PIGN: variants seen among roughly 807,000 people sequenced by gnomAD.
The protein encoded by PIGN is phosphatidylinositol glycan anchor biosynthesis class N.
Under a neutral mutation model 125.4 loss-of-function variants are expected in PIGN, and 117 were observed. The ratio of observed to expected loss-of-function variants is 0.93; its 90% confidence interval spans 0.80 to 1.09. The LOEUF is 1.09. Ranked by LOEUF, PIGN falls within the 50% of genes least tolerant of loss-of-function variation. The pLI, the probability that PIGN is intolerant of heterozygous loss-of-function variation, is 0.00. For missense variants in PIGN, 1,075 were observed against 1,094.9 expected, an observed-to-expected ratio of 0.98 and a Z score of 0.26; for synonymous variants, 392 against 377.8, an observed-to-expected ratio of 1.04 and a Z score of -0.44.
intron 30 of PIGN, among the ~76,000 whole-genome samples, chr18:62,058,396 A>AAT (rs1248739452): frequency 4.6e-5 from 7 of 152,238 alleles, no homozygotes; most frequent in African/African-American, 1.4e-4. Flanking sequence ...TGCCTCCTAG[A>AAT]AAACTCCATG....
At chr18:62,107,131 CA>C (rs761771334) in intron 17 of PIGN, 46 bp from the exon 18 acceptor site, 195 of 1,155,738 alleles carry the variant, frequency 1.7e-4, no homozygotes, top group Admixed American at 4.0e-4. Context: ...TTAGGTCATA[CA>C]TAGTATAACA....
chr18:62,100,951 GTTA>G (rs1302551150), intron 22 of PIGN, 121 bp downstream of exon 22: 6 of 671,892 alleles, frequency 8.9e-6, no homozygotes, highest in East Asian at 5.4e-5. Context: ...ATAATAGCCA[GTTA>G]TTATTATTTT....
At chr18:62,055,394 C>A (rs1156382217) in intron 30 of PIGN, among the ~76,000 whole-genome samples, 1 of 152,018 alleles carries the variant, frequency 6.6e-6, no homozygotes, top group Non-Finnish European at 1.5e-5. Context: ...ATGCTAACTC[C>A]AAAAAGTTAC....
rs574809031 is a variant in PIGN at position 62,058,598 on chromosome 18, G to A, written c.2673-12619C>T. 6.6e-5 allele frequency among the ~76,000 whole-genome samples: 10 copies of A among 152,276 alleles called. No homozygotes were observed. The South Asian group carries it at 1.9e-3, about 28-fold the overall frequency. ...ACCATCTTTTAAAGAAACTGTATAT[G>A]TCTGCACATAAATTAAAGCTAAAAG... is the stretch of plus-strand genomic sequence containing the variant. On this transcript the variant is annotated intron_variant, in intron 30 of 30. Coordinates refer to ENST00000640252, the MANE Select transcript of PIGN (RefSeq NM_176787.5).
chr18:62,048,968 T>C (rs1297754688), intron 30 of PIGN, among the ~76,000 whole-genome samples: 2 of 151,734 alleles, frequency 1.3e-5, no homozygotes, highest in African/African-American at 2.4e-5. Flanking sequence ...TTTTTTGTCC[T>C]TGCGATAGTT....
chr18:62,169,652 G>C (rs2037281879), intron 1 of PIGN, among the ~76,000 whole-genome samples: 1 of 151,554 alleles, frequency 6.6e-6, no homozygotes, highest in Non-Finnish European at 1.5e-5. Flanking sequence ...ACAAAGTCTT[G>C]CTCTGTTGCC....
At chr18:62,084,351 T>C (rs9962244) in intron 27 of PIGN, among the ~76,000 whole-genome samples, 180 bp downstream of exon 27, 3 of 152,168 alleles carry the variant, frequency 2.0e-5, no homozygotes, top group Non-Finnish European at 2.9e-5. Context: ...AATGCACTTA[T>C]GAGTAAAGCA....
intron 14 of PIGN, among the ~76,000 whole-genome samples, chr18:62,130,383 T>C (rs551135255): frequency 6.6e-6 from 1 of 152,206 alleles, no homozygotes; most frequent in Admixed American, 6.6e-5. Flanking sequence ...GTTACAGATA[T>C]GGATAAACTA....
Position 62,120,463 on chromosome 18 carries a change from T to C in PIGN, c.1173-5824A>G, listed in dbSNP as rs182167692. Reference sequence around the variant, plus strand: ...ATATCATAGACAAGAAATACAGAAATGTGGAAAGGAATGAAGAGCAAAAGG... The same window carrying C: ...ATATCATAGACAAGAAATACAGAAACGTGGAAAGGAATGAAGAGCAAAAGG... On this transcript the variant is annotated intron_variant, in intron 14 of 30. Coordinates refer to ENST00000640252, the MANE Select transcript of PIGN (RefSeq NM_176787.5). Among the ~76,000 whole-genome samples, 239 of 151,864 alleles carry C rather than the reference T, an allele frequency of 1.6e-3. 1 individual carries two copies. Among genetic ancestry groups the C allele is most frequent in the African/African-American group, 5.4e-3 (223 of 41,402 alleles).
chr18:62,165,060 C>T (rs545670572), intron 1 of PIGN, among the ~76,000 whole-genome samples: 1 of 152,272 alleles, frequency 6.6e-6, no homozygotes, highest in East Asian at 1.9e-4. Flanking sequence ...TTAGGTCACA[C>T]GGTTGGATCC....
intron 14 of PIGN, among the ~76,000 whole-genome samples, chr18:62,120,479 G>A (rs927028759): frequency 5.3e-5 from 8 of 152,100 alleles, no homozygotes; most frequent in Non-Finnish European, 1.2e-4. Context: ...AAGGAATGAA[G>A]AGCAAAAGGC....
chr18:62,105,668 T>A, intron 19 of PIGN, 34 bp from the exon 20 acceptor site: 1 of 1,274,046 alleles, frequency 7.8e-7, no homozygotes, highest in Non-Finnish European at 1.1e-6. Flanking sequence ...TTTAGACAAA[T>A]ATGGTATAGA....
intron 28 of PIGN, among the ~76,000 whole-genome samples, chr18:62,079,102 A>C (rs1258647691): frequency 6.6e-6 from 1 of 152,140 alleles, no homozygotes. Context: ...CTGTTCTCCA[A>C]ATACACCAAG....
intron 29 of PIGN, among the ~76,000 whole-genome samples, chr18:62,074,063 T>C (rs753075325): frequency 4.6e-5 from 7 of 152,234 alleles, no homozygotes; most frequent in Non-Finnish European, 8.8e-5. Flanking sequence ...TGGTTGGCAA[T>C]ACTCCATGTG....
chr18:62,161,168 T>C lies in PIGN; in HGVS notation c.186A>G (p.Leu62=), dbSNP rs777633452. 2 of 1,613,500 alleles carry C rather than the reference T, an allele frequency of 1.2e-6. No homozygotes were observed. Among genetic ancestry groups the C allele is most frequent in the African/African-American group, 2.7e-5 (2 of 74,926 alleles). ...GTGCTCTAGAGTTTCCATTTTCATC[T>C]AATTCGTAAAGTGCATCTGCTCGAA... ...DGLRADALYE[L]DENGNSRAPF... The change falls in exon 4 of 31, where the codon TTA becomes TTG. Residue 62 remains leucine, a synonymous_variant. Transcript: ENST00000640252.
Position 62,144,710 on chromosome 18 carries a change from G to C in PIGN, c.922+1199C>G, listed in dbSNP as rs575321164. Among the ~76,000 whole-genome samples, 6 of 152,282 alleles carry C rather than the reference G, an allele frequency of 3.9e-5. No individual in the cohort carries two copies. The South Asian group carries it at 1.2e-3, about 32-fold the overall frequency. On this transcript the variant is annotated intron_variant, in intron 10 of 30. Coordinates refer to ENST00000640252, the MANE Select transcript of PIGN (RefSeq NM_176787.5). ...TAGGGTATAAATGTATGGTGAATCT[G>C]GATGGAGACTACATGGTATATATAT...
chr18:62,123,607 G>A (rs1260020735), intron 14 of PIGN: 1 of 152,116 alleles, frequency 6.6e-6, no homozygotes, highest in Admixed American at 6.6e-5. Context: ...GTTGTACAAT[G>A]AATATCCAAT....
intron 30 of PIGN, among the ~76,000 whole-genome samples, chr18:62,059,671 A>G (rs2031997245): frequency 1.3e-5 from 2 of 152,238 alleles, no homozygotes; most frequent in South Asian, 4.1e-4. Context: ...GATTGTGAAC[A>G]GGTAGAGGGT....
intron 27 of PIGN, among the ~76,000 whole-genome samples, chr18:62,083,363 C>T (rs1292342844): frequency 2.0e-5 from 3 of 152,038 alleles, no homozygotes; most frequent in Non-Finnish European, 2.9e-5. Flanking sequence ...TGAGGTATTG[C>T]TTTCCAATTA....
Sources: allele counts gnomAD v4.1 joint callset (sites outside exome capture counted in the v4.1 genomes callset), GRCh38; gene constraint gnomAD v4.1.1; transcripts MANE v1.5; gene names NCBI Gene and HGNC (gene_info 2026-07-23, HGNC 2026-07-21).